Variants in CDH23 observed in about 807,000 individuals in gnomAD.
CDH23 encodes the protein cadherin related 23.
CDH23 carries 189 observed loss-of-function variants against 317.1 expected under a neutral mutation model. The observed-to-expected ratio is 0.60, with a 90% CI of 0.53 to 0.67. The LOEUF (loss-of-function observed/expected upper bound fraction) is 0.67, where lower values mean the gene tolerates loss of function less well. Among genes scored for constraint, CDH23 ranks in the 30% least tolerant of loss-of-function variants. CDH23 has a pLI of 0.00. For synonymous variants in CDH23, 1,839 were observed against 1,876.8 expected, an observed-to-expected ratio of 0.98 and a Z score of 0.52; for missense variants, 4,401 against 4,592.4, an observed-to-expected ratio of 0.96 and a Z score of 1.20.
rs1865287795 is a variant in CDH23, at chr10:71,694,202, C to T, written c.2232C>T (p.Leu744=). The T allele has an allele frequency of 1.2e-6, 2 of 1,613,710 alleles. No homozygotes were observed. Among genetic ancestry groups the T allele is most frequent in the African/African-American group, 2.7e-5 (2 of 74,884 alleles). The change falls in exon 21 of 70, where the codon CTC becomes CTT. Residue 744 remains leucine (L), a synonymous_variant. Transcript: ENST00000224721. ...GAGAGACCAAGTCTGAATACATCCTCATCGTTCGCGCAGTGGACGGGGGTG... is the reference window on the plus strand; with the variant it reads ...GAGAGACCAAGTCTGAATACATCCTTATCGTTCGCGCAGTGGACGGGGGTG... ...LDRETKSEYI[L]IVRAVDGGVG...
chr10:71,809,261 C>T (rs1239567624), intron 60 of CDH23, among the ~76,000 whole-genome samples: 1 of 148,656 alleles, frequency 6.7e-6, no homozygotes, highest in Non-Finnish European at 1.5e-5. Context: ...TCACTGCAGC[C>T]TCTGCCTCCT....
At chr10:71,736,245 G>C (rs940430200) in intron 34 of CDH23, among the ~76,000 whole-genome samples, 31 of 152,242 alleles carry the variant, frequency 2.0e-4, no homozygotes, top group Non-Finnish European at 4.1e-4. Flanking sequence ...CCTCTGAGAG[G>C]CTCCCAGGGG....
At chr10:71,425,162 C>T (rs2131961737) in intron 1 of CDH23, among the ~76,000 whole-genome samples, 1 of 146,900 alleles carries the variant, frequency 6.8e-6, no homozygotes, top group South Asian at 2.2e-4. Context: ...GGAAGGTGCC[C>T]TGGAGTGGGT....
chr10:71,679,302 C>G, intron 16 of CDH23, 85 bp from the exon 17 acceptor site: 1 of 894,332 alleles, frequency 1.1e-6, no homozygotes, highest in Non-Finnish European at 1.8e-6. Flanking sequence ...CAGGGCCAGT[C>G]TTCCCCACCC....
chr10:71,662,830 T>A (rs1402897902), intron 14 of CDH23, among the ~76,000 whole-genome samples: 1 of 152,184 alleles, frequency 6.6e-6, no homozygotes, highest in Non-Finnish European at 1.5e-5. Flanking sequence ...ACTACAGAAA[T>A]GTATTCTCCT....
intron 6 of CDH23, among the ~76,000 whole-genome samples, chr10:71,558,326 A>G (rs1384824940): frequency 6.6e-6 from 1 of 152,014 alleles, no homozygotes; most frequent in Non-Finnish European, 1.5e-5. Flanking sequence ...TGGAATTCCT[A>G]TTAGTTGGAA....
chr10:71,447,392 C>T (rs566453247), intron 3 of CDH23, among the ~76,000 whole-genome samples: 31 of 152,294 alleles, frequency 2.0e-4, no homozygotes, highest in East Asian at 7.7e-4. Flanking sequence ...GTGCCTTACG[C>T]GGGCCCAGAC....
intron 11 of CDH23, among the ~76,000 whole-genome samples, chr10:71,618,703 C>T (rs1861317756): frequency 6.6e-6 from 1 of 152,130 alleles, no homozygotes; most frequent in Admixed American, 6.5e-5. Flanking sequence ...CCCTGTTGAC[C>T]CAGGAGCCCC....
chr10:71,674,017 G>C (rs116174285), intron 14 of CDH23, among the ~76,000 whole-genome samples: 8 of 152,294 alleles, frequency 5.3e-5, no homozygotes, highest in Admixed American at 1.3e-4. Context: ...GTCTATAGGA[G>C]CATAAGCTGT....
At chr10:71,725,569 C>T (rs752078066) in intron 30 of CDH23, 49 bp downstream of exon 30, 1 of 1,583,814 alleles carries the variant, frequency 6.3e-7, no homozygotes, top group Admixed American at 1.8e-5. Context: ...GGGGCCAAGC[C>T]CACAGCTAGA....
chr10:71,440,973 C>T (rs1316518534), intron 2 of CDH23, among the ~76,000 whole-genome samples: 16 of 152,234 alleles, frequency 1.1e-4, no homozygotes, highest in South Asian at 4.1e-4. Flanking sequence ...GAGTATCCCT[C>T]GAGGATTCCC....
intron 3 of CDH23, among the ~76,000 whole-genome samples, chr10:71,482,248 G>C (rs1484711332): frequency 6.6e-6 from 1 of 150,598 alleles, no homozygotes. Context: ...TTCTCCCTCT[G>C]TCTCTTTCCC....
At chr10:71,593,703 G>A (rs565494883) in intron 9 of CDH23, among the ~76,000 whole-genome samples, 11 of 152,276 alleles carry the variant, frequency 7.2e-5, no homozygotes, top group East Asian at 5.8e-4. Flanking sequence ...TGCTGAAACC[G>A]ACTAAAAATC....
At chr10:71,448,367 G>T (rs892570156) in intron 3 of CDH23, among the ~76,000 whole-genome samples, 1 of 152,192 alleles carries the variant, frequency 6.6e-6, no homozygotes, top group Admixed American at 6.5e-5. Context: ...CCCAGGCCTC[G>T]AGCCCTGTTA....
intron 47 of CDH23, among the ~76,000 whole-genome samples, chr10:71,792,504 T>C (rs1192918911): frequency 2.0e-5 from 3 of 152,078 alleles, no homozygotes; most frequent in African/African-American, 7.2e-5. Flanking sequence ...TAGCCAATAT[T>C]GAAAGGCAAA....
chr10:71,604,769 T>G (rs12572088), intron 9 of CDH23, among the ~76,000 whole-genome samples: 2,801 of 152,308 alleles, frequency 0.018, 186 homozygotes, highest in East Asian at 0.16. Flanking sequence ...CAAGCTGCCC[T>G]CAGCAGGACT....
At chr10:71,547,010 A>G (rs961011130) in intron 6 of CDH23, among the ~76,000 whole-genome samples, 1 of 152,190 alleles carries the variant, frequency 6.6e-6, no homozygotes, top group African/African-American at 2.4e-5. Flanking sequence ...CATTCATTCA[A>G]CAGTGATGTT....
chr10:71,460,844 C>A (rs1850944365), intron 3 of CDH23, among the ~76,000 whole-genome samples: 1 of 152,188 alleles, frequency 6.6e-6, no homozygotes, highest in Non-Finnish European at 1.5e-5. Context: ...CTCCAGGCTG[C>A]CTTGGACAGT....
Position 71,797,103 on chromosome 10 carries a change from G to A in CDH23, c.6713-1G>A, listed in dbSNP as rs1369023278. On this transcript the variant is annotated splice_acceptor_variant, in intron 48 of 69. Coordinates refer to ENST00000224721, the MANE Select transcript of CDH23 (RefSeq NM_022124.6). LOFTEE classifies it high-confidence loss of function. ...TGAACCTGGCCTGGTCTGGTCCACA[G>A]GATCTGTAATGGTGAAGTCCCCCAT... 2 of 1,606,844 alleles carry A rather than the reference G, an allele frequency of 1.2e-6. No homozygotes were observed. Among genetic ancestry groups the A allele is most frequent in the Non-Finnish European group, 1.7e-6 (2 of 1,174,338 alleles).
Sources: allele counts gnomAD v4.1 joint callset (sites outside exome capture counted in the v4.1 genomes callset), GRCh38; gene constraint gnomAD v4.1.1; transcripts MANE v1.5; gene names NCBI Gene and HGNC (gene_info 2026-07-23, HGNC 2026-07-21).